NRG3: variants seen among roughly 807,000 people sequenced by gnomAD.
NRG3 encodes neuregulin 3.
A neutral mutation model predicts 66.9 loss-of-function variants in NRG3; 31 were observed. That is an observed-to-expected ratio of 0.46 (90% CI 0.35 to 0.63). NRG3 has a LOEUF of 0.63. NRG3 is among the 20% of genes least tolerant of loss of function. The pLI, the probability that NRG3 is intolerant of heterozygous loss-of-function variation, is 0.00. For missense variants in NRG3, 910 were observed against 878.9 expected, an observed-to-expected ratio of 1.04 and a Z score of -0.45; for synonymous variants, 393 against 359.4, an observed-to-expected ratio of 1.09 and a Z score of -1.06.
chr10:82,898,725 T>TC (rs1051861902), intron 4 of NRG3, among the ~76,000 whole-genome samples: 6 of 140,076 alleles, frequency 4.3e-5, no homozygotes, highest in Non-Finnish European at 9.2e-5. Context: ...CTTTTTTTTT[T>TC]TTTTTTTTTT....
chr10:82,509,868 A>G lies in NRG3; in HGVS notation c.953+151000A>G, dbSNP rs191980882. Reference sequence around the variant, plus strand: ...AGCTCATATGCTGACACTCTCCACAACCTCTGTCCCTACCATTCTGTACTG... The same window carrying G: ...AGCTCATATGCTGACACTCTCCACAGCCTCTGTCCCTACCATTCTGTACTG... On this transcript the variant is annotated intron_variant, in intron 2 of 8. Transcript: ENST00000372141. Among the ~76,000 whole-genome samples, 574 of 151,842 alleles carry G rather than the reference A, an allele frequency of 3.8e-3. 5 individuals are homozygous for G. Among genetic ancestry groups the G allele is most frequent in the African/African-American group, 0.014 (561 of 41,388 alleles).
intron 2 of NRG3, among the ~76,000 whole-genome samples, chr10:82,378,774 T>A (rs903098559): frequency 9.2e-5 from 14 of 151,994 alleles, no homozygotes; most frequent in Non-Finnish European, 1.5e-4. Flanking sequence ...TTTCATCATA[T>A]TGGTCAGGCT....
At chr10:81,921,523 T>C (rs1846252664) in intron 1 of NRG3, among the ~76,000 whole-genome samples, 1 of 152,104 alleles carries the variant, frequency 6.6e-6, no homozygotes, top group Admixed American at 6.5e-5. Flanking sequence ...TTTCCTCAAT[T>C]CCAATTATTG....
At chr10:82,145,748 A>C (rs1286569557) in intron 1 of NRG3, among the ~76,000 whole-genome samples, 2 of 152,174 alleles carry the variant, frequency 1.3e-5, no homozygotes, top group African/African-American at 4.8e-5. Flanking sequence ...GATAGTAAGT[A>C]TTGTGTGGTT....
intron 2 of NRG3, among the ~76,000 whole-genome samples, chr10:82,521,287 G>A (rs1358527213): frequency 3.3e-5 from 5 of 152,144 alleles, no homozygotes; most frequent in African/African-American, 9.7e-5. Context: ...GTCTTGCCTC[G>A]ATGTTGATGG....
At chr10:82,968,571 CTA>C (rs1393884274) in intron 6 of NRG3, among the ~76,000 whole-genome samples, 2 of 149,738 alleles carry the variant, frequency 1.3e-5, no homozygotes, top group Non-Finnish European at 3.0e-5. Context: ...ACAAGGCCCT[CTA>C]TCTCTCAGAT....
At chr10:82,606,566 T>C (rs185983635) in intron 2 of NRG3, among the ~76,000 whole-genome samples, 1 of 152,258 alleles carries the variant, frequency 6.6e-6, no homozygotes, top group Admixed American at 6.5e-5. Context: ...ACTATGTTCT[T>C]ACTGATTCCC....
At chr10:82,306,781 T>C (rs1397314325) in intron 1 of NRG3, among the ~76,000 whole-genome samples, 1 of 151,506 alleles carries the variant, frequency 6.6e-6, no homozygotes, top group East Asian at 1.9e-4. Flanking sequence ...CTATTGCTTT[T>C]TTTGATGGGA....
At chr10:82,850,384 G>A (rs1019879118) in intron 3 of NRG3, among the ~76,000 whole-genome samples, 14 of 152,156 alleles carry the variant, frequency 9.2e-5, no homozygotes, top group Admixed American at 8.5e-4. Context: ...TCCCTGCAAT[G>A]AGCAAATGAA....
At chr10:82,367,040 G>C (rs2084578874) in intron 2 of NRG3, among the ~76,000 whole-genome samples, 1 of 152,192 alleles carries the variant, frequency 6.6e-6, no homozygotes, top group African/African-American at 2.4e-5. Flanking sequence ...ATCTCTGGCA[G>C]TTAGTACATT....
intron 2 of NRG3, among the ~76,000 whole-genome samples, chr10:82,736,898 G>A (rs1335626): frequency 0.019 from 2,946 of 152,270 alleles, 100 homozygotes; most frequent in African/African-American, 0.066. Context: ...AAAAGTGAAT[G>A]CATACAATAG....
chr10:82,513,121 G>A (rs763408381), intron 2 of NRG3, among the ~76,000 whole-genome samples: 4 of 151,984 alleles, frequency 2.6e-5, no homozygotes, highest in Non-Finnish European at 5.9e-5. Flanking sequence ...CACAACCCTC[G>A]ACATGCCCCA....
At chr10:82,092,397 C>G (rs537622962) in intron 1 of NRG3, among the ~76,000 whole-genome samples, 1 of 152,132 alleles carries the variant, frequency 6.6e-6, no homozygotes, top group Non-Finnish European at 1.5e-5. Flanking sequence ...CACACACACG[C>G]ACACACACAT....
chr10:81,916,805 T>C (rs974633204), intron 1 of NRG3, among the ~76,000 whole-genome samples: 3 of 152,212 alleles, frequency 2.0e-5, no homozygotes, highest in Non-Finnish European at 4.4e-5. Flanking sequence ...TGCCTAATAA[T>C]TGTACTGCCT....
chr10:82,373,951 T>C (rs2135763590), intron 2 of NRG3, among the ~76,000 whole-genome samples: 1 of 152,334 alleles, frequency 6.6e-6, no homozygotes, highest in South Asian at 2.1e-4. Context: ...GATTCCTTTG[T>C]GAGCAAAACC....
chr10:82,307,320 C>T (rs77621067), intron 1 of NRG3, among the ~76,000 whole-genome samples: 2,919 of 152,140 alleles, frequency 0.019, 32 homozygotes, highest in African/African-American at 0.032. Flanking sequence ...AAGTTAAAAT[C>T]GCTCATTAAG....
chr10:82,545,961 T>C (rs2043885659), intron 2 of NRG3, among the ~76,000 whole-genome samples: 1 of 147,732 alleles, frequency 6.8e-6, no homozygotes, highest in Non-Finnish European at 1.5e-5. Context: ...CTAATTTCAG[T>C]AGAGACCGGG....
At chr10:82,277,429 A>C (rs1286470902) in intron 1 of NRG3, among the ~76,000 whole-genome samples, 1 of 152,114 alleles carries the variant, frequency 6.6e-6, no homozygotes, top group Non-Finnish European at 1.5e-5. Context: ...TATTTTACTT[A>C]TAGATAATTC....
At chr10:82,915,577 T>TG (rs1199802227) in intron 4 of NRG3, among the ~76,000 whole-genome samples, 3 of 152,200 alleles carry the variant, frequency 2.0e-5, no homozygotes, top group Non-Finnish European at 4.4e-5. Context: ...TATTGTGTAA[T>TG]TTTTCTATTT....
Sources: gnomAD v4.1 joint callset for allele counts (sites outside exome capture counted in the v4.1 genomes callset) on GRCh38, gnomAD v4.1.1 for gene constraint, MANE v1.5 for transcripts, NCBI Gene and HGNC (gene_info 2026-07-23, HGNC 2026-07-21) for gene names.